The following PDE4D variants were observed in gnomAD, a reference collection of about 807,000 sequenced individuals.
PDE4D encodes 3',5'-cyclic-AMP phosphodiesterase 4D.
Under a neutral mutation model 87.4 loss-of-function variants are expected in PDE4D, and 24 were observed. The observed-to-expected ratio is 0.27, with a 90% CI of 0.20 to 0.39. The LOEUF (loss-of-function observed/expected upper bound fraction) is 0.39, where lower values mean the gene tolerates loss of function less well. Among genes scored for constraint, PDE4D ranks in the 10% least tolerant of loss-of-function variants. PDE4D has a pLI of 1.00. For missense variants in PDE4D, 714 were observed against 1,041.0 expected (o/e 0.69, Z 4.32); for synonymous variants, 384 against 383.2 (o/e 1.00, Z -0.02).
At position 60,398,493 on chromosome 5, in the gene PDE4D, C is replaced by A. The variant is rs1382117416; in HGVS notation, c.-90+89449G>T. ...GAGTAGCCCAGCTGAGAGGACTAAT[C>A]CTTGTCTGAGTTCTCAAGAGAGTTA... On this transcript the variant is annotated intron_variant, in intron 1 of 16. Coordinates refer to the PDE4D transcript ENST00000502484. 2.0e-5 allele frequency among the ~76,000 whole-genome samples: 3 copies of A among 152,106 alleles called. No individual in the cohort carries two copies. In the East Asian group the frequency reaches 5.8e-4, roughly 29 times the overall value.
At chr5:60,442,718 A>G (rs1221987125) in intron 1 of PDE4D, among the ~76,000 whole-genome samples, 2 of 151,914 alleles carry the variant, frequency 1.3e-5, no homozygotes, top group Non-Finnish European at 2.9e-5. Flanking sequence ...ATGGTTGGCT[A>G]TGAGAGAAGA....
chr5:59,916,194 G>C lies in PDE4D; in HGVS notation c.272+72294C>G, dbSNP rs1004066142. Among the ~76,000 whole-genome samples, 4 of 152,196 alleles carry C rather than the reference G, an allele frequency of 2.6e-5. No individual in the cohort carries two copies. In the East Asian group the frequency reaches 7.7e-4, roughly 29 times the overall value. Reference sequence around the variant, plus strand: ...GGCCCTCCCCTGCAAGCTGTGCTTCGCAGCCTGCCTAATACACCAAGACCT... The same window carrying C: ...GGCCCTCCCCTGCAAGCTGTGCTTCCCAGCCTGCCTAATACACCAAGACCT... On this transcript the variant is annotated intron_variant, in intron 3 of 16. Coordinates refer to the PDE4D transcript ENST00000502484.
At chr5:60,127,407 T>C (rs1779209920) in intron 2 of PDE4D, among the ~76,000 whole-genome samples, 1 of 151,916 alleles carries the variant, frequency 6.6e-6, no homozygotes, top group African/African-American at 2.4e-5. Context: ...GGAGAACAGA[T>C]TGGATGAGGG....
intron 1 of PDE4D, among the ~76,000 whole-genome samples, chr5:60,366,167 G>A (rs1760523911): frequency 6.6e-6 from 1 of 152,018 alleles, no homozygotes; most frequent in East Asian, 1.9e-4. Flanking sequence ...AGGAATCACA[G>A]CATCTTCCAT....
intron 1 of PDE4D, among the ~76,000 whole-genome samples, chr5:59,758,003 C>T (rs1407368723): frequency 1.3e-5 from 2 of 152,322 alleles, no homozygotes; most frequent in East Asian, 1.9e-4. Flanking sequence ...CTGTTAACTA[C>T]TATTTTGTAA....
At chr5:59,000,655 T>C (rs1580203697) in intron 6 of PDE4D, among the ~76,000 whole-genome samples, 1 of 152,170 alleles carries the variant, frequency 6.6e-6, no homozygotes, top group Admixed American at 6.5e-5. Flanking sequence ...GTTTTGTATA[T>C]AGAACTCAGG....
intron 1 of PDE4D, among the ~76,000 whole-genome samples, chr5:60,247,562 T>C (rs1223499623): frequency 2.0e-5 from 3 of 151,724 alleles, no homozygotes; most frequent in African/African-American, 4.8e-5. Context: ...GAAAAAAATA[T>C]ATAATAATTA....
intron 2 of PDE4D, among the ~76,000 whole-genome samples, chr5:60,043,612 A>G (rs1481847608): frequency 1.3e-5 from 2 of 152,134 alleles, no homozygotes; most frequent in Non-Finnish European, 2.9e-5. Flanking sequence ...CAGAAACCCT[A>G]CAAGACAGAA....
At chr5:60,248,698 C>A (rs1334339985) in intron 1 of PDE4D, among the ~76,000 whole-genome samples, 2 of 151,976 alleles carry the variant, frequency 1.3e-5, no homozygotes, top group Admixed American at 1.3e-4. Context: ...TTCTTATTCC[C>A]AAACAAGTAT....
At chr5:59,872,096 G>A (rs910994080) in intron 1 of PDE4D, among the ~76,000 whole-genome samples, 1 of 152,080 alleles carries the variant, frequency 6.6e-6, no homozygotes, top group Non-Finnish European at 1.5e-5. Context: ...AGGAAGTGAA[G>A]GAAGTCAAGT....
At chr5:59,987,917 G>T (rs1020534701) in intron 3 of PDE4D, 1 of 152,274 alleles carries the variant, frequency 6.6e-6, no homozygotes, top group Non-Finnish European at 1.5e-5. Context: ...TGATGGAGAC[G>T]TGGCTGTGGC....
chr5:59,283,346 T>C (rs1178163208), intron 1 of PDE4D, among the ~76,000 whole-genome samples: 1 of 152,210 alleles, frequency 6.6e-6, no homozygotes, highest in East Asian at 1.9e-4. Context: ...TACACATAGC[T>C]TGTGTAGTTT....
At chr5:60,227,772 G>T (rs1745301601) in intron 1 of PDE4D, among the ~76,000 whole-genome samples, 1 of 152,088 alleles carries the variant, frequency 6.6e-6, no homozygotes, top group Admixed American at 6.6e-5. Flanking sequence ...TTTACAAATT[G>T]TCAGTCTTGT....
At chr5:58,988,990 C>T (rs910957638) in intron 10 of PDE4D, among the ~76,000 whole-genome samples, 7 of 152,282 alleles carry the variant, frequency 4.6e-5, no homozygotes, top group Admixed American at 2.0e-4. Flanking sequence ...TTCTCAACTT[C>T]AGCACTATTG....
At chr5:59,561,929 T>TC (rs1820078716) in intron 1 of PDE4D, among the ~76,000 whole-genome samples, 1 of 36,944 alleles carries the variant, frequency 2.7e-5, no homozygotes, top group East Asian at 4.6e-4. Context: ...TGAAACGCTG[T>TC]CAAAAAAAAA....
At chr5:59,445,654 G>C (rs1010201124) in intron 1 of PDE4D, among the ~76,000 whole-genome samples, 3 of 152,170 alleles carry the variant, frequency 2.0e-5, no homozygotes, top group African/African-American at 7.2e-5. Context: ...CCGGCAACTT[G>C]TAAGCATAGT....
rs1185426550 is a variant in PDE4D, at chr5:59,030,439, A to AC, written c.921+8419_921+8420insG. On this transcript the variant is annotated intron_variant, in intron 6 of 14. Coordinates refer to ENST00000340635, the MANE Select transcript of PDE4D (RefSeq NM_001104631.2). ...CAGAGATACAAAAAAAAAAAAAAAA[A>AC]AAAAAAACAATGTTCCCCAGCCCTG... Among the ~76,000 whole-genome samples, 7 of 151,080 alleles carry AC rather than the reference A, an allele frequency of 4.6e-5. No homozygotes were observed. In the East Asian group the frequency reaches 1.2e-3, roughly 25 times the overall value.
At chr5:59,763,566 AC>A (rs1762437932) in intron 1 of PDE4D, among the ~76,000 whole-genome samples, 2 of 152,130 alleles carry the variant, frequency 1.3e-5, no homozygotes, top group South Asian at 4.1e-4. Context: ...ACACCCCAAA[AC>A]TGTGCTTAAA....
intron 1 of PDE4D, among the ~76,000 whole-genome samples, chr5:59,321,974 T>TA (rs550777538): frequency 2.6e-5 from 4 of 152,210 alleles, no homozygotes; most frequent in African/African-American, 7.2e-5. Context: ...GATTCAGGAA[T>TA]AAAAAAATGG....
Sources: gnomAD v4.1 joint callset for allele counts (sites outside exome capture counted in the v4.1 genomes callset) on GRCh38, gnomAD v4.1.1 for gene constraint, MANE v1.5 for transcripts, NCBI Gene and HGNC (gene_info 2026-07-23, HGNC 2026-07-21) for gene names.